Variants in UNC5D observed in about 807,000 individuals in gnomAD.
UNC5D encodes the protein unc-5 netrin receptor D, also known as netrin receptor UNC5D.
Under a neutral mutation model 105.4 loss-of-function variants are expected in UNC5D, and 39 were observed. The observed-to-expected ratio is 0.37, with a 90% confidence interval of 0.29 to 0.48. The LOEUF (loss-of-function observed/expected upper bound fraction) is 0.48, where lower values mean the gene tolerates loss of function less well. UNC5D is among the 20% of genes least tolerant of loss of function. The probability of loss-of-function intolerance (pLI) is 0.98; values close to 1 mark genes in which losing one functional copy is unlikely to be tolerated. For synonymous variants in UNC5D, 452 were observed against 450.4 expected (o/e 1.00, Z -0.04); for missense variants, 991 against 1,202.4 (o/e 0.82, Z 2.60).
chr8:35,719,705 A>T (rs1828471452), intron 8 of UNC5D, among the ~76,000 whole-genome samples: 1 of 152,166 alleles, frequency 6.6e-6, no homozygotes, highest in Non-Finnish European at 1.5e-5. Context: ...AAATTATTAT[A>T]AGCTGAATTT....
chr8:35,297,475 G>A (rs924805608), intron 1 of UNC5D, among the ~76,000 whole-genome samples: 1 of 152,062 alleles, frequency 6.6e-6, no homozygotes, highest in African/African-American at 2.4e-5. Context: ...ATATTTAAAT[G>A]ATGGAATCAC....
intron 7 of UNC5D, among the ~76,000 whole-genome samples, chr8:35,700,618 C>T (rs1229154935): frequency 1.3e-5 from 2 of 152,094 alleles, no homozygotes; most frequent in Non-Finnish European, 2.9e-5. Flanking sequence ...TGTAAGAACC[C>T]TGAAGAGGGA....
intron 7 of UNC5D, 37 bp downstream of exon 7, chr8:35,686,746 A>G (rs778013092): frequency 6.6e-7 from 1 of 1,521,330 alleles, no homozygotes; most frequent in African/African-American, 1.4e-5. Context: ...GTGTTTGTTC[A>G]TAATACCATT....
intron 1 of UNC5D, among the ~76,000 whole-genome samples, chr8:35,453,461 A>G (rs756659008): frequency 6.6e-6 from 1 of 152,200 alleles, no homozygotes; most frequent in African/African-American, 2.4e-5. Flanking sequence ...GGTCACGTCA[A>G]TCTAAATGAT....
chr8:35,580,482 A>G (rs1252197152), intron 3 of UNC5D, among the ~76,000 whole-genome samples: 1 of 152,138 alleles, frequency 6.6e-6, no homozygotes, highest in African/African-American at 2.4e-5. Flanking sequence ...CCAGCAGAAC[A>G]TGAGTGAAAA....
At chr8:35,774,856 G>C (rs1802169656) in intron 16 of UNC5D, among the ~76,000 whole-genome samples, 1 of 148,898 alleles carries the variant, frequency 6.7e-6, no homozygotes, top group African/African-American at 2.6e-5. Context: ...GAGCCTGGCA[G>C]GTCAAGGCTG....
At chr8:35,443,987 A>G (rs1398796555) in intron 1 of UNC5D, among the ~76,000 whole-genome samples, 2 of 151,994 alleles carry the variant, frequency 1.3e-5, no homozygotes, top group African/African-American at 4.8e-5. Flanking sequence ...TTTCTCACTC[A>G]TTCTTTAAAC....
chr8:35,462,763 GA>G (rs1329955338), intron 1 of UNC5D, among the ~76,000 whole-genome samples: 1 of 152,110 alleles, frequency 6.6e-6, no homozygotes, highest in African/African-American at 2.4e-5. Flanking sequence ...AAAGGAGTAA[GA>G]GCAAATTACT....
intron 1 of UNC5D, among the ~76,000 whole-genome samples, chr8:35,359,136 C>T (rs955877825): frequency 1.3e-5 from 2 of 152,152 alleles, no homozygotes; most frequent in Non-Finnish European, 2.9e-5. Context: ...GATGGCCAAG[C>T]AAGACCCTGT....
chr8:35,631,608 C>T (rs143152404), intron 4 of UNC5D, among the ~76,000 whole-genome samples: 144 of 152,236 alleles, frequency 9.5e-4, no homozygotes, highest in African/African-American at 3.1e-3. Context: ...AGAAAAGGGC[C>T]GAAGTTGCTC....
At chr8:35,658,945 G>A (rs1027534964) in intron 4 of UNC5D, among the ~76,000 whole-genome samples, 1 of 152,154 alleles carries the variant, frequency 6.6e-6, no homozygotes, top group East Asian at 1.9e-4. Flanking sequence ...GTGAGCCACC[G>A]TGCCCGGCAG....
At chr8:35,488,095 T>G (rs540726675) in intron 1 of UNC5D, among the ~76,000 whole-genome samples, 2 of 152,316 alleles carry the variant, frequency 1.3e-5, no homozygotes, top group Admixed American at 6.5e-5. Flanking sequence ...TGGAAAATTC[T>G]CAGCCTATCT....
chr8:35,651,790 A>G (rs144327201), intron 4 of UNC5D, among the ~76,000 whole-genome samples: 446 of 152,194 alleles, frequency 2.9e-3, no homozygotes, highest in Middle Eastern at 0.01. Flanking sequence ...ATTTCATGCA[A>G]TTTTGTATGT....
chr8:35,645,937 T>G (rs1030215166), intron 4 of UNC5D, among the ~76,000 whole-genome samples: 1 of 151,506 alleles, frequency 6.6e-6, no homozygotes, highest in Non-Finnish European at 1.5e-5. Flanking sequence ...ACACACACAC[T>G]CCTTTACTCA....
intron 1 of UNC5D, among the ~76,000 whole-genome samples, chr8:35,452,772 C>T (rs1808242435): frequency 6.6e-6 from 1 of 152,134 alleles, no homozygotes; most frequent in African/African-American, 2.4e-5. Context: ...GTATTACCTA[C>T]TACTGTTCTG....
chr8:35,641,366 C>CAAAAAAAAAAAAAAAAAAAGAAAAAAA (rs1198851612), intron 4 of UNC5D, among the ~76,000 whole-genome samples: 1 of 44,290 alleles, frequency 2.3e-5, no homozygotes, highest in Non-Finnish European at 4.2e-5. Flanking sequence ...AAAAATAAAG[C>CAAAAAAAAAAAAAAAAAAAGAAAAAAA]AAAAAAAAAA....
intron 1 of UNC5D, among the ~76,000 whole-genome samples, chr8:35,509,700 G>A (rs568577043): frequency 6.7e-6 from 1 of 148,536 alleles, no homozygotes; most frequent in East Asian, 2.0e-4. Flanking sequence ...AGATATTCGT[G>A]GGTTTTTCCC....
At chr8:35,588,885 A>G (rs1818966896) in intron 3 of UNC5D, among the ~76,000 whole-genome samples, 2 of 152,188 alleles carry the variant, frequency 1.3e-5, no homozygotes, top group Non-Finnish European at 2.9e-5. Flanking sequence ...TACTAAAAAT[A>G]CAAAAAATTT....
intron 4 of UNC5D, among the ~76,000 whole-genome samples, chr8:35,620,533 G>A (rs914550045): frequency 1.3e-5 from 2 of 152,080 alleles, no homozygotes; most frequent in Non-Finnish European, 2.9e-5. Flanking sequence ...CCACTGTTCC[G>A]ATTACCCTTT....
Sources: allele counts gnomAD v4.1 joint callset (sites outside exome capture counted in the v4.1 genomes callset), GRCh38; gene constraint gnomAD v4.1.1; transcripts MANE v1.5; gene names NCBI Gene and HGNC (gene_info 2026-07-23, HGNC 2026-07-21).